The following DNAH5 variants were observed in gnomAD, a reference collection of about 807,000 sequenced individuals.
DNAH5 encodes axonemal beta dynein heavy chain 5.
DNAH5 carries 372 observed loss-of-function variants against 518.2 expected under a neutral mutation model. The observed-to-expected ratio is 0.72, with a 90% CI of 0.66 to 0.78. The LOEUF (loss-of-function observed/expected upper bound fraction) is 0.78. DNAH5 is among the 30% of genes least tolerant of loss of function. The pLI, the probability that DNAH5 is intolerant of heterozygous loss-of-function variation, is 0.00. For synonymous variants in DNAH5, 2,039 were observed against 2,025.9 expected (o/e 1.01, Z -0.17); for missense variants, 5,523 against 5,687.0 (o/e 0.97, Z 0.93).
At position 13,692,029 on chromosome 5, in the gene DNAH5, TTCAGGGGTC is replaced by T; in HGVS notation, c.13821_13829del (p.Thr4608_Glu4610del). 1 of 1,614,130 alleles carries T rather than the reference TTCAGGGGTC, an allele frequency of 6.2e-7. No homozygotes were observed. The highest frequency in any genetic ancestry group is 8.5e-7 in the Non-Finnish European group (1 of 1,180,010). ...GGGCAACCCCACGGAGCACCCAGTGTTCAGGGGTCTGGGCTGTCCTGAGATCCACAGCGG... is the reference window on the plus strand; with the variant it reads ...GGGCAACCCCACGGAGCACCCAGTGTTGGGCTGTCCTGAGATCCACAGCGG... On this transcript the variant is annotated inframe_deletion, in exon 79 of 79. Transcript: ENST00000265104.
At position 13,751,245 on chromosome 5, in the gene DNAH5, T is replaced by G; in HGVS notation, c.11044A>C (p.Lys3682Gln). 1 of 1,613,564 alleles carries G rather than the reference T, an allele frequency of 6.2e-7. No individual in the cohort carries two copies. The highest frequency in any genetic ancestry group is 2.2e-5 in the East Asian group (1 of 44,836). ...GSTFKVKVGDKEVDVLDGFRL... is the reference protein window; with the variant it reads ...GSTFKVKVGDQEVDVLDGFRL... ...AAGCCATCCAACACATCTACTTCCT[T>G]GTCACCAACTTTCACCTTTTTTATA... The change falls in exon 65 of 79, where the codon AAG becomes CAG. Residue 3682 changes from lysine to glutamine, a missense_variant. Coordinates refer to ENST00000265104, the MANE Select transcript of DNAH5 (RefSeq NM_001369.3).
Position 13,901,279 on chromosome 5 carries a change from G to C in DNAH5, c.2025C>G (p.Val675=), listed in dbSNP as rs1244645972. The part of the protein sequence containing the change: ...RMAKVLLEFE[V]LFHRAWLRQI... ...GCCGAAGCCACGCCCTGTGGAAGAG[G>C]ACCTCAAACTCCAGGAGGACCTTGG... The change falls in exon 14 of 79, where the codon GTC becomes GTG. Residue 675 remains valine (V), a synonymous_variant. Coordinates refer to ENST00000265104, the MANE Select transcript of DNAH5 (RefSeq NM_001369.3). The C allele has an allele frequency of 6.2e-7, 1 of 1,614,030 alleles. No individual in the cohort carries two copies.
chr5:13,736,639 C>A (rs529588573), intron 66 of DNAH5, among the ~76,000 whole-genome samples: 10 of 152,012 alleles, frequency 6.6e-5, no homozygotes, highest in African/African-American at 1.9e-4. Context: ...GTTGACCAGG[C>A]CTGTCTCACA....
chr5:13,784,646 G>A (rs1450647207), intron 52 of DNAH5, among the ~76,000 whole-genome samples: 3 of 152,136 alleles, frequency 2.0e-5, no homozygotes, highest in African/African-American at 7.2e-5. Flanking sequence ...AATTTTTAGA[G>A]GTGACAATTT....
In DNAH5 at chr5:13,842,437, A is replaced by AAGAGAGAGAGAGAGAGAGAGAG. The variant is rs1367769157; in HGVS notation, c.5272-534_5272-533insCTCTCTCTCTCTCTCTCTCTCT. Among the ~76,000 whole-genome samples, 153 of 91,394 alleles carry AAGAGAGAGAGAGAGAGAGAGAG rather than the reference A, an allele frequency of 1.7e-3. 8 individuals carry two copies. Among genetic ancestry groups the AAGAGAGAGAGAGAGAGAGAGAG allele is most frequent in the African/African-American group, 6.6e-3 (147 of 22,250 alleles). The allele number at this position is 91,394 out of a possible 152,430, so 60.0% of individuals were successfully genotyped here. On this transcript the variant is annotated intron_variant, in intron 32 of 78. Coordinates refer to ENST00000265104, the MANE Select transcript of DNAH5 (RefSeq NM_001369.3). Reference sequence around the variant, plus strand: ...GAAAAGAAAAGAAAAGAAAGAAAGAAAGAAAGAAAGAAAGAAAGAAAGAAA... The same window carrying AAGAGAGAGAGAGAGAGAGAGAG: ...GAAAAGAAAAGAAAAGAAAGAAAGAAAGAGAGAGAGAGAGAGAGAGAGAGAAAGAAAGAAAGAAAGAAAGAAA...
Position 13,714,502 on chromosome 5 carries a change from TCCTTGGGTTGGATG to T in DNAH5, c.13014_13027del (p.Ile4339HisfsTer7). The T allele has an allele frequency of 6.2e-7, 1 of 1,614,102 alleles. No individual in the cohort carries two copies. The highest frequency in any genetic ancestry group is 8.5e-7 in the Non-Finnish European group (1 of 1,179,998). On this transcript the variant is annotated frameshift_variant, in exon 75 of 79. Transcript: ENST00000265104. LOFTEE classifies it high-confidence loss of function. ...GGTCTCATCCCCTCCACCAGAGGTG[TCCTTGGGTTGGATG>T]CCTAGGATGGTGTCCAGCACGTCCT... is the stretch of plus-strand genomic sequence containing the variant.
chr5:13,812,050 A>T (rs1430493945), intron 43 of DNAH5, among the ~76,000 whole-genome samples: 1 of 152,174 alleles, frequency 6.6e-6, no homozygotes, highest in African/African-American at 2.4e-5. Flanking sequence ...TTTACACATG[A>T]GGAAACAGAG....
intron 1 of DNAH5, among the ~76,000 whole-genome samples, chr5:13,973,424 A>T (rs192605255): frequency 3.1e-4 from 47 of 152,340 alleles, no homozygotes; most frequent in Admixed American, 1.4e-3. Context: ...TAAGTCTTCG[A>T]GAGTGTTCGT....
intron 61 of DNAH5, among the ~76,000 whole-genome samples, chr5:13,757,885 C>T (rs1751226757): frequency 6.6e-6 from 1 of 151,980 alleles, no homozygotes; most frequent in South Asian, 2.1e-4. Flanking sequence ...ATTGGGACCC[C>T]TACAAAACTA....
At chr5:13,791,800 T>A (rs1352051433) in intron 50 of DNAH5, among the ~76,000 whole-genome samples, 194 bp downstream of exon 50, 3 of 152,194 alleles carry the variant, frequency 2.0e-5, no homozygotes, top group Non-Finnish European at 2.9e-5. Flanking sequence ...CCTAATTTAA[T>A]TGGAATTTAT....
rs1185389894 is a variant in DNAH5, at chr5:13,920,495, G to A, written c.783C>T (p.Ile261=). The change falls in exon 6 of 79, where the codon ATC becomes ATT. Residue 261 remains isoleucine (I), a synonymous_variant. Coordinates refer to ENST00000265104, the MANE Select transcript of DNAH5 (RefSeq NM_001369.3). ...TCAAAATTACCTGTTCTGTCTGTTT[G>A]ATCCATACTTTCATGCAATCCTCTA... ...GKIEDCMKVW[I]KQTEQVLAEN... The A allele has an allele frequency of 3.1e-6, 5 of 1,614,126 alleles. No homozygotes were observed. The highest frequency in any genetic ancestry group is 4.2e-6 in the Non-Finnish European group (5 of 1,180,004).
chr5:13,872,649 A>G (rs1423456558), intron 22 of DNAH5, among the ~76,000 whole-genome samples: 1 of 152,114 alleles, frequency 6.6e-6, no homozygotes, highest in Admixed American at 6.6e-5. Flanking sequence ...AGATGAAATG[A>G]CTCTCTGGCA....
chr5:13,804,028 T>A (rs554962746), intron 47 of DNAH5, among the ~76,000 whole-genome samples: 33 of 151,960 alleles, frequency 2.2e-4, no homozygotes, highest in Non-Finnish European at 4.1e-4. Flanking sequence ...AATTTTTGCT[T>A]TCTTCTTTTC....
intron 28 of DNAH5, 40 bp downstream of exon 28, chr5:13,864,357 C>T (rs1208245760): frequency 2.5e-6 from 4 of 1,611,206 alleles, no homozygotes; most frequent in African/African-American, 1.3e-5. Context: ...TCAAATAAAT[C>T]CCATGAGACC....
At chr5:13,977,320 C>G (rs1054440618) in intron 1 of DNAH5, among the ~76,000 whole-genome samples, 2 of 152,214 alleles carry the variant, frequency 1.3e-5, no homozygotes, top group African/African-American at 4.8e-5. Flanking sequence ...GGAAAAGCCA[C>G]TGTGAAGGAC....
chr5:13,882,655 G>A (rs1162218344), intron 21 of DNAH5, 73 bp downstream of exon 21: 9 of 1,128,210 alleles, frequency 8.0e-6, no homozygotes, highest in East Asian at 2.4e-5. Flanking sequence ...TTACATGGAG[G>A]GGTTAAAAAA....
intron 1 of DNAH5, among the ~76,000 whole-genome samples, chr5:13,980,807 T>C (rs879608060): frequency 6.6e-6 from 1 of 152,178 alleles, no homozygotes; most frequent in African/African-American, 2.4e-5. Context: ...CTCCAACTCC[T>C]ACCACTTTTC....
At chr5:13,910,183 A>G (rs1775819924) in intron 12 of DNAH5, among the ~76,000 whole-genome samples, 1 of 152,228 alleles carries the variant, frequency 6.6e-6, no homozygotes, top group South Asian at 2.1e-4. Context: ...GCATGCCACA[A>G]TGGTTAAAAA....
chr5:13,707,633 G>C lies in DNAH5; in HGVS notation c.13338+490C>G, dbSNP rs1474275423. On this transcript the variant is annotated intron_variant, in intron 76 of 78. Coordinates refer to ENST00000265104, the MANE Select transcript of DNAH5 (RefSeq NM_001369.3). The surrounding 1 kb of genome is among the most constrained non-coding windows in gnomAD (Gnocchi z 4.0). ...CAGCCACACCCCTGTCACACGCCCT[G>C]TGAGGGGGATAAGGGAACTCCTCCG... Among the ~76,000 whole-genome samples, 1 of 152,146 alleles carries C rather than the reference G, an allele frequency of 6.6e-6. No individual in the cohort carries two copies. The highest frequency in any genetic ancestry group is 1.5e-5 in the Non-Finnish European group (1 of 68,020).
Sources: allele counts gnomAD v4.1 joint callset (sites outside exome capture counted in the v4.1 genomes callset), GRCh38; gene constraint gnomAD v4.1.1; non-coding constraint Gnocchi (gnomAD v3.1); transcripts MANE v1.5; gene names NCBI Gene and HGNC (gene_info 2026-07-23, HGNC 2026-07-21).